The following DPF3 variants were observed in gnomAD, a reference collection of about 807,000 sequenced individuals.
DPF3 encodes the protein zinc finger protein DPF3.
In DPF3, 18 loss-of-function variants were observed where a neutral mutation model predicts 56.8. That is an observed-to-expected ratio of 0.32 (90% CI 0.22 to 0.47). DPF3 has a LOEUF of 0.47. Ranked by LOEUF, DPF3 falls within the 20% of genes least tolerant of loss-of-function variation. The probability of loss-of-function intolerance (pLI) is 1.00; values close to 1 mark genes in which losing one functional copy is unlikely to be tolerated. For missense variants in DPF3, 403 were observed against 488.8 expected (o/e 0.82, Z 1.65); for synonymous variants, 188 against 180.2 (o/e 1.04, Z -0.35).
intron 4 of DPF3, among the ~76,000 whole-genome samples, chr14:72,727,134 A>G (rs1169683018): frequency 6.6e-6 from 1 of 151,024 alleles, no homozygotes; most frequent in Non-Finnish European, 1.5e-5. Flanking sequence ...CCCTGGCACA[A>G]TACTCCGGCC....
intron 8 of DPF3, among the ~76,000 whole-genome samples, chr14:72,638,572 T>TC (rs1190237725): frequency 6.6e-6 from 1 of 152,204 alleles, no homozygotes; most frequent in Non-Finnish European, 1.5e-5. Flanking sequence ...CCCATGATCC[T>TC]CCAACTGCTG....
chr14:72,849,302 G>C (rs1884879945), intron 1 of DPF3, among the ~76,000 whole-genome samples: 1 of 152,174 alleles, frequency 6.6e-6, no homozygotes, highest in Non-Finnish European at 1.5e-5. Context: ...GTGCATGATT[G>C]GTGAGGGGTT....
intron 1 of DPF3, among the ~76,000 whole-genome samples, chr14:72,884,553 G>A (rs2140128476): frequency 6.6e-6 from 1 of 152,054 alleles, no homozygotes; most frequent in East Asian, 1.9e-4. Context: ...GGAGGAAGGG[G>A]AAGGGAGGAG....
At chr14:72,869,748 G>T (rs1364537810) in intron 1 of DPF3, among the ~76,000 whole-genome samples, 1 of 152,188 alleles carries the variant, frequency 6.6e-6, no homozygotes, top group Non-Finnish European at 1.5e-5. Flanking sequence ...TCCTGAAAAT[G>T]TAGCTTAGTC....
chr14:72,696,131 G>A (rs970765684), intron 6 of DPF3, among the ~76,000 whole-genome samples: 1 of 152,064 alleles, frequency 6.6e-6, no homozygotes, highest in African/African-American at 2.4e-5. Context: ...TGTTAGTAAG[G>A]AATAAATGCT....
In DPF3 at chr14:72,800,700, G is replaced by A. The variant is rs142061577; in HGVS notation, c.33-28807C>T. Among the ~76,000 whole-genome samples, 165 of 152,180 alleles carry A rather than the reference G, an allele frequency of 1.1e-3. 1 individual carries two copies. Among genetic ancestry groups the A allele is most frequent in the Non-Finnish European group, 1.9e-3 (127 of 67,974 alleles). ...TGCATGGATGGATGCATGAATGGACGGATGCATGGAGGAATGGATGGATGG... is the reference window on the plus strand; with the variant it reads ...TGCATGGATGGATGCATGAATGGACAGATGCATGGAGGAATGGATGGATGG... On this transcript the variant is annotated intron_variant, in intron 1 of 10. Transcript: ENST00000556509.
intron 3 of DPF3, among the ~76,000 whole-genome samples, chr14:72,743,354 C>A (rs560051488): frequency 6.6e-6 from 1 of 152,142 alleles, no homozygotes; most frequent in African/African-American, 2.4e-5. Flanking sequence ...GGCAGCAGCT[C>A]CAGCAGGCTC....
chr14:72,684,200 C>T (rs1198451290), intron 7 of DPF3, among the ~76,000 whole-genome samples: 1 of 152,090 alleles, frequency 6.6e-6, no homozygotes, highest in Admixed American at 6.5e-5. Context: ...GCATGCACCA[C>T]CACACCTGGC....
chr14:72,829,266 A>T (rs1215381975), intron 1 of DPF3, among the ~76,000 whole-genome samples: 1 of 152,256 alleles, frequency 6.6e-6, no homozygotes, highest in East Asian at 1.9e-4. Flanking sequence ...CTCACAGTAC[A>T]AGACAATATG....
intron 1 of DPF3, among the ~76,000 whole-genome samples, chr14:72,814,541 G>A (rs989930922): frequency 6.6e-6 from 1 of 152,124 alleles, no homozygotes; most frequent in Admixed American, 6.6e-5. Context: ...TGAGCGGGGT[G>A]TGGTTGCTGA....
rs187751634 is a variant in DPF3, at chr14:72,614,125, G to A, written c.*5172C>T. ...CATTGTTTCCACACTCAGGGCTGGT[G>A]GCCGTGGCCTCTGGCAGAGAATCAT... On this transcript the variant is annotated 3_prime_UTR_variant, in exon 11 of 11. Coordinates refer to ENST00000556509, the MANE Select transcript of DPF3 (RefSeq NM_001280542.3). 2.0e-5 allele frequency among the ~76,000 whole-genome samples: 3 copies of A among 152,318 alleles called. No individual in the cohort carries two copies. In the East Asian group the frequency reaches 5.8e-4, roughly 29 times the overall value.
intron 4 of DPF3, among the ~76,000 whole-genome samples, chr14:72,729,327 C>T (rs4899439): frequency 0.84 from 128,145 of 152,156 alleles, 56,258 homozygotes; most frequent in East Asian, 1. Flanking sequence ...AGTGTACATC[C>T]GGGGAAATGG....
At chr14:72,873,506 T>A (rs1394126090) in intron 1 of DPF3, among the ~76,000 whole-genome samples, 1 of 152,202 alleles carries the variant, frequency 6.6e-6, no homozygotes, top group Non-Finnish European at 1.5e-5. Context: ...ATTGTGGAAG[T>A]CAGTGTGGCG....
rs141572810 is a variant in DPF3, at chr14:72,636,814, C to T, written c.872-7078G>A. Among the ~76,000 whole-genome samples the T allele has an allele frequency of 1.8e-4, 27 of 152,318 alleles. No homozygotes were observed. The East Asian group carries it at 4.4e-3, about 25-fold the overall frequency. ...ACTCCAGAGGCATCTGAATGGCTCC[C>T]TTTTTCTCTCACCATTTTTATTGCA... On this transcript the variant is annotated intron_variant, in intron 8 of 10. Coordinates refer to ENST00000556509, the MANE Select transcript of DPF3 (RefSeq NM_001280542.3).
intron 3 of DPF3, among the ~76,000 whole-genome samples, chr14:72,733,537 G>A (rs938151490): frequency 1.3e-5 from 2 of 152,162 alleles, no homozygotes; most frequent in African/African-American, 4.8e-5. Context: ...ATGGCTTGCA[G>A]AAGCCAGGAA....
At chr14:72,875,844 A>G (rs942436757) in intron 1 of DPF3, among the ~76,000 whole-genome samples, 22 of 152,156 alleles carry the variant, frequency 1.4e-4, no homozygotes, top group African/African-American at 5.1e-4. Context: ...AGGCAGCACT[A>G]CCATCAGAAT....
At chr14:72,673,746 T>C (rs1173453140) in intron 8 of DPF3, among the ~76,000 whole-genome samples, 1 of 152,136 alleles carries the variant, frequency 6.6e-6, no homozygotes, top group African/African-American at 2.4e-5. Context: ...GGCGGTGGTG[T>C]TTATGCAGCT....
intron 8 of DPF3, among the ~76,000 whole-genome samples, chr14:72,642,168 T>C (rs1885583196): frequency 6.6e-6 from 1 of 152,240 alleles, no homozygotes; most frequent in Non-Finnish European, 1.5e-5. Flanking sequence ...TGCAGCCTCA[T>C]GGGACACCCT....
intron 7 of DPF3, among the ~76,000 whole-genome samples, chr14:72,688,125 G>A (rs1231608419): frequency 1.4e-5 from 2 of 144,594 alleles, no homozygotes; most frequent in African/African-American, 5.0e-5. Flanking sequence ...TGGATGGGTG[G>A]ATGGATAGAT....
Sources: gnomAD v4.1 joint callset for allele counts (sites outside exome capture counted in the v4.1 genomes callset) on GRCh38, gnomAD v4.1.1 for gene constraint, MANE v1.5 for transcripts, NCBI Gene and HGNC (gene_info 2026-07-23, HGNC 2026-07-21) for gene names.